Variants in PRR23A observed in about 807,000 individuals in gnomAD.
The protein encoded by PRR23A is proline rich 23A.
For synonymous variants in PRR23A, 161 were observed against 170.6 expected (o/e 0.94, Z 0.44); for missense variants, 342 against 372.7 (o/e 0.92, Z 0.68).
rs558402191 is a variant in PRR23A, at chr3:139,005,215, C to T, written c.*253G>A. On this transcript the variant is annotated 3_prime_UTR_variant, in exon 1 of 1. Coordinates refer to ENST00000383163, the MANE Select transcript of PRR23A (RefSeq NM_001134659.1). Reference sequence around the variant, plus strand: ...CATGACTGGTTATGTGTGGTCTACTCTTCTTGGTAAAGGTGCTTACCAGAA... The same window carrying T: ...CATGACTGGTTATGTGTGGTCTACTTTTCTTGGTAAAGGTGCTTACCAGAA... Among the ~76,000 whole-genome samples the T allele has an allele frequency of 1.4e-4, 22 of 152,316 alleles. No homozygotes were observed. The highest frequency in any genetic ancestry group is 7.7e-4 in the East Asian group (4 of 5,182).
chr3:139,005,623 A>T lies in PRR23A; in HGVS notation c.646T>A (p.Phe216Ile). 1 of 1,613,306 alleles carries T rather than the reference A, an allele frequency of 6.2e-7. No homozygotes were observed. Among genetic ancestry groups the T allele is most frequent in the Non-Finnish European group, 8.5e-7 (1 of 1,179,684 alleles). The change falls in exon 1 of 1, where the codon TTC becomes ATC. Residue 216 changes from phenylalanine (F) to isoleucine (I), a missense_variant. By Grantham distance (21) the Phe-to-Ile change is conservative. Coordinates refer to ENST00000383163, the MANE Select transcript of PRR23A (RefSeq NM_001134659.1). ...SSEGHSPGPFFDPEFRLLEPV... is the reference protein window; with the variant it reads ...SSEGHSPGPFIDPEFRLLEPV... ...TCCAGAAGGCGGAATTCCGGGTCGAAGAAGGGGCCTGGAGAGTGTCCCTCT... is the reference window on the plus strand; with the variant it reads ...TCCAGAAGGCGGAATTCCGGGTCGATGAAGGGGCCTGGAGAGTGTCCCTCT...
rs527258847 is a variant in PRR23A at position 139,004,520 on chromosome 3, C to A, written c.*948G>T. Among the ~76,000 whole-genome samples the A allele has an allele frequency of 2.4e-4, 36 of 150,664 alleles. No homozygotes were observed. The highest frequency in any genetic ancestry group is 8.0e-4 in the African/African-American group (33 of 41,004). ...TTTGAGATGGAGTCTCACTCTGTTG[C>A]CCAGGCTGGAGTGCAATGGCACGAT... On this transcript the variant is annotated 3_prime_UTR_variant, in exon 1 of 1. Transcript: ENST00000383163.
At position 139,005,267 on chromosome 3, in the gene PRR23A, C is replaced by A. The variant is rs968437601; in HGVS notation, c.*201G>T. 6.6e-6 allele frequency among the ~76,000 whole-genome samples: 1 copy of A among 152,120 alleles called. No homozygotes were observed. Among genetic ancestry groups the A allele is most frequent in the Non-Finnish European group, 1.5e-5 (1 of 68,010 alleles). On this transcript the variant is annotated 3_prime_UTR_variant, in exon 1 of 1. Coordinates refer to ENST00000383163, the MANE Select transcript of PRR23A (RefSeq NM_001134659.1). The stretch of plus-strand genomic sequence containing the variant: ...CTGCTTTTCTTTTTTCATGTCCTTG[C>A]CTGCCACTTACCAAGGAATTCTGCC...
In PRR23A at chr3:139,005,997, G is replaced by T; in HGVS notation, c.272C>A (p.Ser91Tyr). ...CAGGATGAGGGTGTGTCCATCGAGA[G>T]ACACTCGCAGGATCGACGTTGGCGG... is the stretch of plus-strand genomic sequence containing the variant. ...ELPPTSILRV[S>Y]LDGHTLILIP... The change falls in exon 1 of 1, where the codon TCT (serine) becomes TAT (tyrosine). Residue 91 changes from serine (S) to tyrosine (Y), a missense_variant. Coordinates refer to ENST00000383163, the MANE Select transcript of PRR23A (RefSeq NM_001134659.1). 6.2e-7 allele frequency: 1 copy of T among 1,613,746 alleles called. No homozygotes were observed. Among genetic ancestry groups the T allele is most frequent in the Non-Finnish European group, 8.5e-7 (1 of 1,179,918 alleles).
rs1270285990 is a variant in PRR23A at position 139,004,762 on chromosome 3, G to A, written c.*706C>T. On this transcript the variant is annotated 3_prime_UTR_variant, in exon 1 of 1. Transcript: ENST00000383163. ...CCCAAAGTGCTGGGATTACAGGCGT[G>A]AGCCATCGCGCCCGGCCCTTAAATT... is the stretch of plus-strand genomic sequence containing the variant. 6.6e-6 allele frequency among the ~76,000 whole-genome samples: 1 copy of A among 152,200 alleles called. No individual in the cohort carries two copies. The highest frequency in any genetic ancestry group is 1.9e-4 in the East Asian group (1 of 5,190).
chr3:139,005,362 C>T lies in PRR23A; in HGVS notation c.*106G>A, dbSNP rs929173484. ...CAACAGTAATCCAACTGCCCGCTGT[C>T]GATGAATGAAGATGCTGCATTTCCG... On this transcript the variant is annotated 3_prime_UTR_variant, in exon 1 of 1. Coordinates refer to ENST00000383163, the MANE Select transcript of PRR23A (RefSeq NM_001134659.1). 3 of 1,048,994 alleles carry T rather than the reference C, an allele frequency of 2.9e-6. No homozygotes were observed. In the Admixed American group the frequency reaches 1.0e-4, roughly 35 times the overall value. The allele number at this position is 1,048,994 out of a possible 1,614,324, so 65.0% of individuals were successfully genotyped here.
rs1444712423 is a variant in PRR23A at position 139,004,799 on chromosome 3, A to G, written c.*669T>C. 6.6e-6 allele frequency among the ~76,000 whole-genome samples: 1 copy of G among 152,178 alleles called. No individual in the cohort carries two copies. Among genetic ancestry groups the G allele is most frequent in the African/African-American group, 2.4e-5 (1 of 41,454 alleles). ...CCGGCCCTTAAATTCTTATTTGCAG[A>G]AACACTTCCAAAAGGTCCAGTGCAT... On this transcript the variant is annotated 3_prime_UTR_variant, in exon 1 of 1. Coordinates refer to ENST00000383163, the MANE Select transcript of PRR23A (RefSeq NM_001134659.1).
Position 139,005,434 on chromosome 3 carries a change from C to T in PRR23A, c.*34G>A. ...TGAGTCTTGGAGGATCCACAAGAACCCGCAGCCGGTGGCAAGGGATTGTGG... is the reference window on the plus strand; with the variant it reads ...TGAGTCTTGGAGGATCCACAAGAACTCGCAGCCGGTGGCAAGGGATTGTGG... On this transcript the variant is annotated 3_prime_UTR_variant, in exon 1 of 1. Coordinates refer to ENST00000383163, the MANE Select transcript of PRR23A (RefSeq NM_001134659.1). 1.4e-6 allele frequency: 2 copies of T among 1,464,742 alleles called. No homozygotes were observed. The highest frequency in any genetic ancestry group is 1.8e-6 in the Non-Finnish European group (2 of 1,107,676). The allele number at this position is 1,464,742 out of a possible 1,614,324, so 90.7% of individuals were successfully genotyped here.
chr3:139,005,744 T>C lies in PRR23A; in HGVS notation c.525A>G (p.Ser175=). The C allele has an allele frequency of 6.2e-7, 1 of 1,613,452 alleles. No individual in the cohort carries two copies. Among genetic ancestry groups the C allele is most frequent in the Non-Finnish European group, 8.5e-7 (1 of 1,179,540 alleles). Residue 175 remains serine, a synonymous_variant, in exon 1 of 1, where the codon TCA becomes TCG. Transcript: ENST00000383163. ...TGGCGGAGGAGTAGAGCCCAGCGGC[T>C]GAGCCGGCTGCGGAGTCCATCTGGA... ...PELQMDSAAG[S]AAGLYSSARS...
At position 139,004,301 on chromosome 3, in the gene PRR23A, GAGTA is replaced by G. The variant is rs1270557707; in HGVS notation, c.*1163_*1166del. On this transcript the variant is annotated 3_prime_UTR_variant, in exon 1 of 1. Transcript: ENST00000383163. ...AAATGTCCATGCGGTGAAGGTGAGT[GAGTA>G]CCCCTGAGAGGAAATCAAGATGAAG... Among the ~76,000 whole-genome samples the G allele has an allele frequency of 6.6e-6, 1 of 152,082 alleles. No homozygotes were observed. Among genetic ancestry groups the G allele is most frequent in the Non-Finnish European group, 1.5e-5 (1 of 68,012 alleles).
Position 139,006,234 on chromosome 3 carries a change from G to C in PRR23A, c.35C>G (p.Pro12Arg). ...GSRPRSPSAF[P>R]APWWGQQPGG... is the part of the protein sequence containing the mutation. ...TGGCTGCTGTCCCCACCAGGGCGCA[G>C]GGAAGGCGCTGGGGCTGCGGGGCCG... The change falls in exon 1 of 1, where the codon CCT (proline) becomes CGT (arginine). Residue 12 changes from proline to arginine, a missense_variant. Pro to Arg is a moderately radical substitution (Grantham distance 103). Coordinates refer to ENST00000383163, the MANE Select transcript of PRR23A (RefSeq NM_001134659.1). 1 of 1,543,420 alleles carries C rather than the reference G, an allele frequency of 6.5e-7. No homozygotes were observed. The highest frequency in any genetic ancestry group is 8.7e-7 in the Non-Finnish European group (1 of 1,149,004).
chr3:139,006,010 T>C lies in PRR23A; in HGVS notation c.259A>G (p.Ile87Val). Residue 87 changes from isoleucine to valine, a missense_variant, in exon 1 of 1, where the codon ATC becomes GTC. Coordinates refer to ENST00000383163, the MANE Select transcript of PRR23A (RefSeq NM_001134659.1). ...TGTCCATCGAGAGACACTCGCAGGA[T>C]CGACGTTGGCGGGAGCTCCAGCACC... ...DLVLELPPTSILRVSLDGHTL... is the reference protein window; with the variant it reads ...DLVLELPPTSVLRVSLDGHTL... 3 of 1,612,730 alleles carry C rather than the reference T, an allele frequency of 1.9e-6. No individual in the cohort carries two copies. Among genetic ancestry groups the C allele is most frequent in the East Asian group, 2.2e-5 (1 of 44,766 alleles).
At position 139,004,483 on chromosome 3, in the gene PRR23A, CT is replaced by C. The variant is rs777762354; in HGVS notation, c.*984del. ...AATTTTTAAATTGTTTTTTCGTTTT[CT>C]TTTTTTTTTTTTTGAGATGGAGTCT... On this transcript the variant is annotated 3_prime_UTR_variant, in exon 1 of 1. Transcript: ENST00000383163. Among the ~76,000 whole-genome samples the C allele has an allele frequency of 0.013, 1,890 of 143,534 alleles. 20 individuals carry two copies. The highest frequency in any genetic ancestry group is 0.039 in the African/African-American group (1,533 of 39,596). 94.2% of individuals were successfully genotyped at this position (143,534 alleles called of 152,430 possible).
Position 139,005,384 on chromosome 3 carries a change from T to C in PRR23A, c.*84A>G. 1 of 1,201,264 alleles carries C rather than the reference T, an allele frequency of 8.3e-7. No individual in the cohort carries two copies. The highest frequency in any genetic ancestry group is 1.1e-6 in the Non-Finnish European group (1 of 886,168). The allele number at this position is 1,201,264 out of a possible 1,614,324, so 74.4% of individuals were successfully genotyped here. A position where few individuals can be genotyped will look rare whatever the true frequency, so the allele number is the denominator to read the frequency against. On this transcript the variant is annotated 3_prime_UTR_variant, in exon 1 of 1. Coordinates refer to ENST00000383163, the MANE Select transcript of PRR23A (RefSeq NM_001134659.1). The stretch of plus-strand genomic sequence containing the variant: ...TGTCGATGAATGAAGATGCTGCATT[T>C]CCGGGCTGTGGCAAGTCCTCACAGT...
In PRR23A at chr3:139,004,525, G is replaced by T. The variant is rs1465296929; in HGVS notation, c.*943C>A. Reference sequence around the variant, plus strand: ...GATGGAGTCTCACTCTGTTGCCCAGGCTGGAGTGCAATGGCACGATCTCGG... The same window carrying T: ...GATGGAGTCTCACTCTGTTGCCCAGTCTGGAGTGCAATGGCACGATCTCGG... On this transcript the variant is annotated 3_prime_UTR_variant, in exon 1 of 1. Transcript: ENST00000383163. Among the ~76,000 whole-genome samples, 1 of 151,346 alleles carries T rather than the reference G, an allele frequency of 6.6e-6. No individual in the cohort carries two copies. The highest frequency in any genetic ancestry group is 2.4e-5 in the African/African-American group (1 of 41,130).
rs1396336271 is a variant in PRR23A, at chr3:139,005,897, C to T, written c.372G>A (p.Val124=). The change falls in exon 1 of 1, where the codon GTG becomes GTA. Residue 124 remains valine (V), a synonymous_variant. Transcript: ENST00000383163. Reference sequence around the variant, plus strand: ...CCCTGAGAGCGCCCAGGAAAACGTCCACTTCCAGCCCAGCAGACGAGTCGT... The same window carrying T: ...CCCTGAGAGCGCCCAGGAAAACGTCTACTTCCAGCCCAGCAGACGAGTCGT... The part of the protein sequence containing the change: ...AQDDSSAGLE[V]DVFLGALRED... The T allele has an allele frequency of 3.1e-6, 5 of 1,613,484 alleles. No homozygotes were observed. The highest frequency in any genetic ancestry group is 1.3e-5 in the African/African-American group (1 of 74,926).
In PRR23A at chr3:139,006,107, C is replaced by A; in HGVS notation, c.162G>T (p.Val54=). ...GGACCACTATGGAGGTGAGCGCGCC[C>A]ACGGCCGGGGTACCCGCCGGGTCTT... ...SLEDPAGTPA[V]GALTSIVVLA... Residue 54 remains valine (V), a synonymous_variant, in exon 1 of 1, where the codon GTG becomes GTT. Coordinates refer to ENST00000383163, the MANE Select transcript of PRR23A (RefSeq NM_001134659.1). 6.4e-7 allele frequency: 1 copy of A among 1,553,820 alleles called. No individual in the cohort carries two copies. Among genetic ancestry groups the A allele is most frequent in the East Asian group, 2.4e-5 (1 of 41,518 alleles).
rs556584809 is a variant in PRR23A, at chr3:139,005,752, C to A, written c.517G>T (p.Ala173Ser). ...GAGTAGAGCCCAGCGGCTGAGCCGGCTGCGGAGTCCATCTGGAGCTCCGGA... is the reference window on the plus strand; with the variant it reads ...GAGTAGAGCCCAGCGGCTGAGCCGGATGCGGAGTCCATCTGGAGCTCCGGA... ...EFPELQMDSAAGSAAGLYSSA... is the reference protein window; with the variant it reads ...EFPELQMDSASGSAAGLYSSA... The change falls in exon 1 of 1, where the codon GCC (alanine) becomes TCC (serine). Residue 173 changes from alanine (A) to serine (S), a missense_variant. By Grantham distance (99) the Ala-to-Ser change is moderately conservative (BLOSUM62 1). Coordinates refer to ENST00000383163, the MANE Select transcript of PRR23A (RefSeq NM_001134659.1). 5.3e-5 allele frequency: 85 copies of A among 1,613,678 alleles called. No individual in the cohort carries two copies. In the South Asian group the frequency reaches 8.4e-4, roughly 16 times the overall value.
rs1381739955 is a variant in PRR23A at position 139,006,099 on chromosome 3, A to G, written c.170T>C (p.Leu57Pro). ...DPAGTPAVGALTSIVVLAAGC... is the reference protein window; with the variant it reads ...DPAGTPAVGAPTSIVVLAAGC... ...CGCGGCCAGGACCACTATGGAGGTG[A>G]GCGCGCCCACGGCCGGGGTACCCGC... The change falls in exon 1 of 1, where the codon CTC (leucine) becomes CCC (proline). Residue 57 changes from leucine (L) to proline (P), a missense_variant. Transcript: ENST00000383163. 78 of 1,564,034 alleles carry G rather than the reference A, an allele frequency of 5.0e-5. No individual in the cohort carries two copies. The highest frequency in any genetic ancestry group is 6.4e-5 in the Non-Finnish European group (74 of 1,156,540).
Sources: gnomAD v4.1 joint callset for allele counts (sites outside exome capture counted in the v4.1 genomes callset) on GRCh38, gnomAD v4.1.1 for gene constraint, MANE v1.5 for transcripts, NCBI Gene and HGNC (gene_info 2026-07-23, HGNC 2026-07-21) for gene names.